Variants in PLCG2 observed in about 807,000 individuals in gnomAD.
The protein encoded by PLCG2 is 1-phosphatidylinositol 4,5-bisphosphate phosphodiesterase gamma-2.
A neutral mutation model predicts 175.6 loss-of-function variants in PLCG2; 69 were observed. The ratio of observed to expected loss-of-function variants is 0.39; its 90% CI spans 0.32 to 0.48. The LOEUF is 0.48. Among genes scored for constraint, PLCG2 ranks in the 20% least tolerant of loss-of-function variants. The pLI is 0.91. For synonymous variants in PLCG2, 827 were observed against 624.0 expected (o/e 1.33, Z -4.85); for missense variants, 1,798 against 1,650.9 (o/e 1.09, Z -1.54).
chr16:81,885,030 G>A (rs957575258), intron 9 of PLCG2, among the ~76,000 whole-genome samples: 2 of 150,406 alleles, frequency 1.3e-5, no homozygotes, highest in African/African-American at 4.9e-5. Flanking sequence ...TGGGACTACA[G>A]GTATGTGCCA....
intron 1 of PLCG2, among the ~76,000 whole-genome samples, chr16:81,784,254 C>A (rs1427540552): frequency 6.6e-6 from 1 of 152,216 alleles, no homozygotes; most frequent in Non-Finnish European, 1.5e-5. Flanking sequence ...GTCCCCACCT[C>A]AGTGCCTGGC....
chr16:81,777,437 TAAA>T (rs750704164), upstream of PLCG2, among the ~76,000 whole-genome samples: 4 of 105,662 alleles, frequency 3.8e-5, no homozygotes, highest in African/African-American at 3.4e-5. Flanking sequence ...GCTGAAGTTC[TAAA>T]AAAAAAAAAA....
chr16:81,786,094 G>A lies in PLCG2; in HGVS notation c.105G>A (p.Lys35=), dbSNP rs1910957870. ...GTVMTVFSFR[K]STPERRTVQV... ...TGATGACTGTGTTCAGCTTCCGCAA[G>A]TCCACCCCCGAGCGGAGAACCGTCC... Residue 35 remains lysine, a synonymous_variant, in exon 2 of 33, where the codon AAG becomes AAA. Transcript: ENST00000564138. 1 of 1,614,194 alleles carries A rather than the reference G, an allele frequency of 6.2e-7. No homozygotes were observed. Among genetic ancestry groups the A allele is most frequent in the Non-Finnish European group, 8.5e-7 (1 of 1,180,040 alleles).
intron 2 of PLCG2, among the ~76,000 whole-genome samples, chr16:81,806,894 G>A (rs549037623): frequency 6.6e-6 from 1 of 152,130 alleles, no homozygotes; most frequent in Non-Finnish European, 1.5e-5. Flanking sequence ...AGAGTTATGG[G>A]GAGGAAGCAG....
At chr16:81,890,102 G>C (rs917085286) in intron 10 of PLCG2, among the ~76,000 whole-genome samples, 1 of 152,122 alleles carries the variant, frequency 6.6e-6, no homozygotes, top group Non-Finnish European at 1.5e-5. Context: ...AGAGCCATGC[G>C]AACGCCCGAA....
At chr16:81,836,337 C>T (rs1190606959) in intron 2 of PLCG2, among the ~76,000 whole-genome samples, 1 of 152,172 alleles carries the variant, frequency 6.6e-6, no homozygotes, top group Non-Finnish European at 1.5e-5. Context: ...CACGTGTCAG[C>T]CATGGACTCG....
intron 2 of PLCG2, among the ~76,000 whole-genome samples, chr16:81,828,158 A>T (rs1167545234): frequency 1.3e-5 from 2 of 150,726 alleles, no homozygotes; most frequent in Non-Finnish European, 2.9e-5. Flanking sequence ...TCTTCACCTG[A>T]CAAAACACTC....
At chr16:81,864,238 G>A (rs1357906299) in intron 5 of PLCG2, among the ~76,000 whole-genome samples, 4 of 152,178 alleles carry the variant, frequency 2.6e-5, no homozygotes, top group Admixed American at 6.5e-5. Flanking sequence ...CCCAGGTGAT[G>A]TAGATGCTGC....
intron 25 of PLCG2, among the ~76,000 whole-genome samples, chr16:81,932,642 G>A (rs1289128016): frequency 6.6e-6 from 1 of 152,162 alleles, no homozygotes; most frequent in Non-Finnish European, 1.5e-5. Flanking sequence ...TCACATCTTG[G>A]CCAGTCCCTG....
intron 2 of PLCG2, among the ~76,000 whole-genome samples, chr16:81,837,125 G>T (rs1452237222): frequency 6.6e-6 from 1 of 152,100 alleles, no homozygotes; most frequent in Non-Finnish European, 1.5e-5. Context: ...GCTGTAAAAA[G>T]CAAACAAAAA....
At chr16:81,811,269 G>C (rs1266000649) in intron 2 of PLCG2, among the ~76,000 whole-genome samples, 1 of 152,150 alleles carries the variant, frequency 6.6e-6, no homozygotes, top group African/African-American at 2.4e-5. Context: ...TCGTGTGTGG[G>C]TGTAAAGACT....
upstream of PLCG2, among the ~76,000 whole-genome samples, chr16:81,778,033 AAAAAAAAAAC>A (rs1910501124): frequency 1.2e-4 from 4 of 32,220 alleles, no homozygotes; most frequent in Admixed American, 2.8e-4. Flanking sequence ...AAAAAAAAAC[AAAAAAAAAAC>A]AAAAAAAAAA....
At chr16:81,949,783 A>C (rs1911294369) in intron 31 of PLCG2, among the ~76,000 whole-genome samples, 1 of 152,238 alleles carries the variant, frequency 6.6e-6, no homozygotes, top group Non-Finnish European at 1.5e-5. Context: ...ACCATGATAA[A>C]AAATGACAAT....
intron 31 of PLCG2, among the ~76,000 whole-genome samples, chr16:81,955,684 C>T (rs537577977): frequency 6.6e-6 from 1 of 152,290 alleles, no homozygotes; most frequent in South Asian, 2.1e-4. Flanking sequence ...CATGACAGGA[C>T]CACACTTACT....
intron 2 of PLCG2, among the ~76,000 whole-genome samples, chr16:81,800,326 T>C (rs2143241934): frequency 6.6e-6 from 1 of 152,304 alleles, no homozygotes; most frequent in Admixed American, 6.5e-5. Flanking sequence ...TATTAAGCCC[T>C]GCATGTATTA....
At chr16:81,803,021 C>T (rs769895555) in intron 2 of PLCG2, among the ~76,000 whole-genome samples, 1 of 152,094 alleles carries the variant, frequency 6.6e-6, no homozygotes, top group African/African-American at 2.4e-5. Context: ...ACTTTACTTT[C>T]CCCCATCCCT....
chr16:81,868,404 C>G (rs1907351042), intron 5 of PLCG2, among the ~76,000 whole-genome samples: 2 of 152,110 alleles, frequency 1.3e-5, no homozygotes, highest in Admixed American at 1.3e-4. Flanking sequence ...GCAGGGGGTC[C>G]CCACTTACTC....
At chr16:81,802,151 C>T (rs1393768666) in intron 2 of PLCG2, among the ~76,000 whole-genome samples, 6 of 104,154 alleles carry the variant, frequency 5.8e-5, no homozygotes, top group South Asian at 7.4e-4. Context: ...CTCGCTCTTT[C>T]GCCCAGGCCA....
chr16:81,934,449 G>A lies in PLCG2; in HGVS notation c.2760G>A (p.Trp920Ter), dbSNP rs1268930629. Residue 920 changes from tryptophan (W) to a stop codon, truncating the protein, a stop_gained, in exon 26 of 33, where the codon TGG (tryptophan) becomes TGA (stop). Coordinates refer to ENST00000564138, the MANE Select transcript of PLCG2 (RefSeq NM_002661.5). LOFTEE classifies it high-confidence loss of function. The stretch of plus-strand genomic sequence containing the variant: ...AACAGGAGAACAACATGAAGTACTG[G>A]GAGAAGAACCAGTCCATCGCCATCG... The part of the protein sequence containing the change: ...IDTKENNMKY[W>*]EKNQSIAIEL... 1 of 1,612,586 alleles carries A rather than the reference G, an allele frequency of 6.2e-7. No individual in the cohort carries two copies. Among genetic ancestry groups the A allele is most frequent in the African/African-American group, 1.3e-5 (1 of 74,804 alleles).
Sources: allele counts gnomAD v4.1 joint callset (sites outside exome capture counted in the v4.1 genomes callset), GRCh38; gene constraint gnomAD v4.1.1; transcripts MANE v1.5; gene names NCBI Gene and HGNC (gene_info 2026-07-23, HGNC 2026-07-21).